DMD: variants seen among roughly 807,000 people sequenced by gnomAD.
The protein encoded by DMD is mutant dystrophin.
In DMD, 63 loss-of-function variants were observed where a neutral mutation model predicts 330.1. That is an observed-to-expected ratio of 0.19 (90% CI 0.16 to 0.24). The LOEUF (loss-of-function observed/expected upper bound fraction) is 0.24, where lower values mean the gene tolerates loss of function less well. DMD is among the 10% of genes least tolerant of loss of function. DMD has a pLI of 1.00. For synonymous variants in DMD, 1,223 were observed against 959.8 expected, an observed-to-expected ratio of 1.27 and a Z score of -5.07; for missense variants, 3,344 against 2,684.1, an observed-to-expected ratio of 1.25 and a Z score of -5.43.
intron 2 of DMD, among the ~76,000 whole-genome samples, chrX:32,899,711 A>G (rs2086067935): frequency 9.0e-6 from 1 of 110,668 alleles, no homozygotes; most frequent in South Asian, 3.8e-4. Context: ...AAAAAGAAAG[A>G]AAGAAAAAGT....
intron 1 of DMD, among the ~76,000 whole-genome samples, chrX:33,195,365 G>C (rs767047980): frequency 2.7e-5 from 3 of 111,376 alleles, no homozygotes; most frequent in Non-Finnish European, 5.6e-5. Context: ...TAGAGCTCCT[G>C]TGCCCACCTC....
chrX:32,748,896 G>C (rs1461123694), intron 7 of DMD, among the ~76,000 whole-genome samples: 1 of 112,270 alleles, frequency 8.9e-6, no homozygotes, highest in Non-Finnish European at 1.9e-5. Flanking sequence ...TTTGCCTGAA[G>C]CATAAAACAT....
intron 62 of DMD, among the ~76,000 whole-genome samples, chrX:31,265,784 G>T (rs1298882099): frequency 1.3e-4 from 1 of 7,864 alleles, no homozygotes; most frequent in Admixed American, 1.4e-3. Context: ...TTGGGGGTGT[G>T]GGGGGGGGGG....
chrX:32,006,545 C>T (rs1202644092), intron 44 of DMD, among the ~76,000 whole-genome samples: 4 of 111,221 alleles, frequency 3.6e-5, no homozygotes, highest in Middle Eastern at 4.3e-3. Flanking sequence ...AATTTATAAC[C>T]GTGAATACTT....
At chrX:32,301,222 TAAA>T (rs56329666) in intron 42 of DMD, among the ~76,000 whole-genome samples, 8 of 74,677 alleles carry the variant, frequency 1.1e-4, no homozygotes, top group East Asian at 4.2e-4. Context: ...TGCATACATC[TAAA>T]AAAAAAAAAA....
At chrX:32,444,585 T>C (rs1162274798) in intron 27 of DMD, among the ~76,000 whole-genome samples, 1 of 110,869 alleles carries the variant, frequency 9.0e-6, no homozygotes, top group East Asian at 2.8e-4. Flanking sequence ...TCATGGTGTA[T>C]GTTTCCCATA....
chrX:31,674,355 G>A (rs769172750), intron 53 of DMD, among the ~76,000 whole-genome samples: 2 of 112,357 alleles, frequency 1.8e-5, no homozygotes, highest in South Asian at 7.3e-4. Context: ...AATTAATTAT[G>A]TGATTATAGA....
chrX:31,274,076 T>C (rs2051891137), intron 62 of DMD, among the ~76,000 whole-genome samples: 1 of 111,966 alleles, frequency 8.9e-6, no homozygotes, highest in Non-Finnish European at 1.9e-5. Flanking sequence ...TAACATTCTG[T>C]TTTAGATTGT....
intron 25 of DMD, 27 bp from the exon 26 acceptor site, chrX:32,454,859 C>A (rs774578083): frequency 8.4e-7 from 1 of 1,195,694 alleles, no homozygotes; most frequent in East Asian, 3.0e-5. Context: ...AAACAAAACA[C>A]GATTATTGAC....
At chrX:32,575,385 T>C (rs140406265) in intron 13 of DMD, among the ~76,000 whole-genome samples, 303 of 112,575 alleles carry the variant, frequency 2.7e-3, no homozygotes, top group African/African-American at 9.4e-3. Flanking sequence ...TTCATAAATA[T>C]CAATGTTATT....
At chrX:33,217,225 CTAGT>C (rs946014579) in intron 1 of DMD, among the ~76,000 whole-genome samples, 8 of 110,889 alleles carry the variant, frequency 7.2e-5, no homozygotes, top group Non-Finnish European at 1.3e-4. Flanking sequence ...GGAAAATATG[CTAGT>C]TTGTGAGTGA....
At chrX:33,077,301 G>A (rs773664417) in intron 1 of DMD, among the ~76,000 whole-genome samples, 14 of 111,640 alleles carry the variant, frequency 1.3e-4, no homozygotes, top group Non-Finnish European at 1.9e-5. Flanking sequence ...TTCTCCCAAA[G>A]TTAGTTCAGC....
At chrX:32,022,531 G>C (rs1053520834) in intron 44 of DMD, among the ~76,000 whole-genome samples, 1 of 112,217 alleles carries the variant, frequency 8.9e-6, no homozygotes, top group Admixed American at 9.4e-5. Flanking sequence ...TCATGTACAA[G>C]TTCTAAAGAA....
intron 1 of DMD, among the ~76,000 whole-genome samples, chrX:33,277,774 C>T (rs1256509358): frequency 9.0e-6 from 1 of 111,290 alleles, no homozygotes; most frequent in African/African-American, 3.3e-5. Flanking sequence ...AGCGGGCAAC[C>T]ACTCATCTAT....
At chrX:32,379,254 G>C (rs1009716561) in intron 34 of DMD, among the ~76,000 whole-genome samples, 2 of 106,112 alleles carry the variant, frequency 1.9e-5, no homozygotes, top group South Asian at 8.4e-4. Flanking sequence ...GCTCCTTGAC[G>C]TTATGAAAAA....
intron 50 of DMD, among the ~76,000 whole-genome samples, chrX:31,812,915 G>A (rs768888155): frequency 8.9e-6 from 1 of 112,265 alleles, no homozygotes; most frequent in South Asian, 3.7e-4. Flanking sequence ...ATTAATTTAG[G>A]TTTGCTCAGA....
intron 6 of DMD, among the ~76,000 whole-genome samples, chrX:32,810,381 C>T (rs2077284844): frequency 9.0e-6 from 1 of 111,137 alleles, no homozygotes. Flanking sequence ...TCTAAACACT[C>T]ATTATCTCCA....
At chrX:32,394,925 A>C (rs6631571) in intron 30 of DMD, among the ~76,000 whole-genome samples, 7 of 95,646 alleles carry the variant, frequency 7.3e-5, no homozygotes, top group Non-Finnish European at 1.5e-4. Flanking sequence ...ACAAAAAAAA[A>C]AAAAAAAAGA....
intron 1 of DMD, among the ~76,000 whole-genome samples, chrX:33,040,763 T>C (rs1437277232): frequency 1.8e-5 from 2 of 111,944 alleles, no homozygotes; most frequent in East Asian, 5.6e-4. Context: ...TTTTCTTCTA[T>C]ACATGACATC....
Sources: gnomAD v4.1 joint callset for allele counts (sites outside exome capture counted in the v4.1 genomes callset) on GRCh38, gnomAD v4.1.1 for gene constraint, MANE v1.5 for transcripts, NCBI Gene and HGNC (gene_info 2026-07-23, HGNC 2026-07-21) for gene names.